Variants in FGF6 observed in about 807,000 individuals in gnomAD.
The protein encoded by FGF6 is FGF-6.
Under a neutral mutation model 18.4 loss-of-function variants are expected in FGF6, and 14 were observed. The ratio of observed to expected loss-of-function variants is 0.76; its 90% CI spans 0.50 to 1.19. The LOEUF is 1.19. FGF6 is among the 50% of genes most tolerant of loss of function. FGF6 has a pLI of 0.00. For missense variants in FGF6, 266 were observed against 271.6 expected, an observed-to-expected ratio of 0.98 and a Z score of 0.15; for synonymous variants, 125 against 116.7, an observed-to-expected ratio of 1.07 and a Z score of -0.46.
chr12:4,435,721 C>T (rs2241283), intron 2 of FGF6, among the ~76,000 whole-genome samples: 99,828 of 151,970 alleles, frequency 0.66, 33,696 homozygotes, highest in East Asian at 0.84. Flanking sequence ...AGAACATGAA[C>T]GCTGGACTTC....
At position 4,445,238 on chromosome 12, in the gene FGF6, C is replaced by T. The variant is rs1193910019; in HGVS notation, c.333G>A (p.Glu111=). The T allele has an allele frequency of 1.2e-5, 20 of 1,610,420 alleles. No individual in the cohort carries two copies. Among genetic ancestry groups the T allele is most frequent in the Non-Finnish European group, 1.6e-5 (19 of 1,178,634 alleles). Residue 111 remains glutamate, a synonymous_variant, in exon 1 of 3, where the codon GAG becomes GAA. Transcript: ENST00000228837. This position sits in a 1 kb window ranked among gnomAD's most constrained non-coding sequence, Gnocchi z 5.5. Reference sequence around the variant, plus strand: ...GCTGGCACTCACTGTAGGGGTTCTCCTCGTGGGTCCCGCTGATCCGGCCGT... The same window carrying T: ...GCTGGCACTCACTGTAGGGGTTCTCTTCGTGGGTCCCGCTGATCCGGCCGT... ...LPDGRISGTH[E]ENPYSLLEIS... is the part of the protein sequence containing the mutation.
At chr12:4,438,430 A>G (rs1865648540) in intron 2 of FGF6, among the ~76,000 whole-genome samples, 1 of 152,212 alleles carries the variant, frequency 6.6e-6, no homozygotes, top group African/African-American at 2.4e-5. Flanking sequence ...CACAAAAGTT[A>G]CTACAGCATT....
intron 2 of FGF6, among the ~76,000 whole-genome samples, chr12:4,442,195 T>G (rs1036340357): frequency 4.6e-5 from 7 of 151,558 alleles, no homozygotes; most frequent in Non-Finnish European, 2.9e-5. Flanking sequence ...TTTGAAGTCA[T>G]CAGCCAGTAA....
At chr12:4,438,588 G>T (rs1231505815) in intron 2 of FGF6, among the ~76,000 whole-genome samples, 1 of 151,584 alleles carries the variant, frequency 6.6e-6, no homozygotes, top group African/African-American at 2.4e-5. Context: ...TGGTGAAACC[G>T]CATCTCTACC....
intron 2 of FGF6, among the ~76,000 whole-genome samples, chr12:4,443,746 G>A (rs1297032171): frequency 6.6e-6 from 1 of 152,216 alleles, no homozygotes; most frequent in Non-Finnish European, 1.5e-5. Flanking sequence ...CAGGGCGCGT[G>A]TCATGGAGCA....
chr12:4,437,706 AT>A, intron 2 of FGF6, among the ~76,000 whole-genome samples: 1 of 152,376 alleles, frequency 6.6e-6, no homozygotes, highest in Middle Eastern at 3.4e-3. Flanking sequence ...TAAAAGTGTT[AT>A]TTTAAATCAC....
chr12:4,442,414 T>C (rs1030734949), intron 2 of FGF6, among the ~76,000 whole-genome samples: 1 of 152,188 alleles, frequency 6.6e-6, no homozygotes, highest in African/African-American at 2.4e-5. Context: ...ATTTCCTCTA[T>C]ATTTGTGCAT....
intron 2 of FGF6, among the ~76,000 whole-genome samples, chr12:4,443,714 C>T (rs956229073): frequency 3.9e-5 from 6 of 152,326 alleles, no homozygotes; most frequent in East Asian, 1.9e-4. Context: ...CCTCCTGCTG[C>T]GCACGAGGCT....
At chr12:4,435,013 C>G (rs1010563769) in intron 2 of FGF6, among the ~76,000 whole-genome samples, 2 of 151,870 alleles carry the variant, frequency 1.3e-5, no homozygotes, top group Admixed American at 6.6e-5. Context: ...CTGCCTGTCT[C>G]TTTGTTTCTG....
At chr12:4,435,026 T>C (rs1865611938) in intron 2 of FGF6, among the ~76,000 whole-genome samples, 2 of 151,850 alleles carry the variant, frequency 1.3e-5, no homozygotes, top group Admixed American at 6.6e-5. Flanking sequence ...TGTTTCTGCT[T>C]GTGGTTCCTC....
intron 2 of FGF6, among the ~76,000 whole-genome samples, chr12:4,435,181 G>A (rs17183765): frequency 1.5e-3 from 222 of 152,192 alleles, no homozygotes; most frequent in African/African-American, 5.2e-3. Flanking sequence ...ACCAGTCAGC[G>A]GCCCATACCC....
At chr12:4,439,216 A>G (rs1363459164) in intron 2 of FGF6, among the ~76,000 whole-genome samples, 1 of 152,166 alleles carries the variant, frequency 6.6e-6, no homozygotes, top group Non-Finnish European at 1.5e-5. Flanking sequence ...GAAGCGAGAA[A>G]ACATTTTGAT....
intron 2 of FGF6, among the ~76,000 whole-genome samples, chr12:4,441,886 G>A (rs1865695140): frequency 2.0e-5 from 3 of 152,034 alleles, no homozygotes; most frequent in Non-Finnish European, 4.4e-5. Context: ...GGAGAGGGAG[G>A]GGTAGAAGTT....
chr12:4,443,289 C>T (rs550398428), intron 2 of FGF6, among the ~76,000 whole-genome samples: 1 of 150,906 alleles, frequency 6.6e-6, no homozygotes, highest in South Asian at 2.1e-4. Context: ...TCCACACCCT[C>T]CCCATAAATA....
chr12:4,439,934 T>C (rs1226334778), intron 2 of FGF6, among the ~76,000 whole-genome samples: 3 of 152,230 alleles, frequency 2.0e-5, no homozygotes, highest in Admixed American at 6.5e-5. Context: ...TTTTTCTGAA[T>C]GCTTCAGGCT....
intron 2 of FGF6, among the ~76,000 whole-genome samples, chr12:4,437,640 TA>T: frequency 6.6e-6 from 1 of 152,332 alleles, no homozygotes; most frequent in South Asian, 2.1e-4. Context: ...AGTCCAGCAG[TA>T]GATCCCAACA....
In FGF6 at chr12:4,434,280, G is replaced by A. The variant is rs142642694; in HGVS notation, c.562C>T (p.Arg188Trp). ...GACACCTTGCTGCCCCGCTTTACCC[G>A]TCCGTATTTGCTCAGGGCAATGTAG... is the stretch of plus-strand genomic sequence containing the variant. Reference protein sequence around the residue: ...GTYIALSKYGRVKRGSKVSPI... With the variant: ...GTYIALSKYGWVKRGSKVSPI... The change falls in exon 3 of 3, where the codon CGG becomes TGG. Residue 188 changes from arginine to tryptophan, a missense_variant. Physicochemically the swap from Arg to Trp is moderately radical, Grantham distance 101 (BLOSUM62 -3). Coordinates refer to ENST00000228837, the MANE Select transcript of FGF6 (RefSeq NM_020996.3). 147 of 1,614,038 alleles carry A rather than the reference G, an allele frequency of 9.1e-5. No individual in the cohort carries two copies. Among genetic ancestry groups the A allele is most frequent in the Admixed American group, 4.5e-4 (27 of 60,002 alleles).
At position 4,435,720 on chromosome 12, in the gene FGF6, ACGC is replaced by A. The variant is rs1205432772; in HGVS notation, c.451-1332_451-1330del. Among the ~76,000 whole-genome samples, 29 of 152,256 alleles carry A rather than the reference ACGC, an allele frequency of 1.9e-4. No individual in the cohort carries two copies. In the East Asian group the frequency reaches 2.1e-3, roughly 11 times the overall value. On this transcript the variant is annotated intron_variant, in intron 2 of 2. Coordinates refer to ENST00000228837, the MANE Select transcript of FGF6 (RefSeq NM_020996.3). ...TGTGGACCACCTGTTCAGAACATGA[ACGC>A]TGGACTTCCTGTCACATGAACACTG...
Position 4,445,531 on chromosome 12 carries a change from C to T in FGF6, c.40G>A (p.Gly14Arg). 6.2e-7 allele frequency: 1 copy of T among 1,609,594 alleles called. No individual in the cohort carries two copies. Reference sequence around the variant, plus strand: ...AGCGTGCCCTGCAGACGTCCTGCTCCCCGGGACATAGTGATGAACAGTTTC... The same window carrying T: ...AGCGTGCCCTGCAGACGTCCTGCTCTCCGGGACATAGTGATGAACAGTTTC... Reference protein sequence around the residue: ...GQKLFITMSRGAGRLQGTLWA... With the variant: ...GQKLFITMSRRAGRLQGTLWA... The change falls in exon 1 of 3, where the codon GGA (glycine) becomes AGA (arginine). Residue 14 changes from glycine to arginine, a missense_variant. Physicochemically the swap from Gly to Arg is moderately radical, Grantham distance 125. Transcript: ENST00000228837. This position sits in a 1 kb window ranked among gnomAD's most constrained non-coding sequence, Gnocchi z 5.5.
Sources: allele counts gnomAD v4.1 joint callset (sites outside exome capture counted in the v4.1 genomes callset), GRCh38; gene constraint gnomAD v4.1.1; non-coding constraint Gnocchi (gnomAD v3.1); transcripts MANE v1.5; gene names NCBI Gene and HGNC (gene_info 2026-07-23, HGNC 2026-07-21).